Variants in ZNF438 observed in about 807,000 individuals in gnomAD.
The protein encoded by ZNF438 is zinc finger protein 438.
ZNF438 carries 25 observed loss-of-function variants against 38.0 expected under a neutral mutation model. That is an observed-to-expected ratio of 0.66 (90% CI 0.48 to 0.92). The LOEUF (loss-of-function observed/expected upper bound fraction) is 0.92. Ranked by LOEUF, ZNF438 falls within the 40% of genes least tolerant of loss-of-function variation. ZNF438 has a pLI of 0.00. For synonymous variants in ZNF438, 372 were observed against 364.1 expected (o/e 1.02, Z -0.25); for missense variants, 1,007 against 999.6 (o/e 1.01, Z -0.10).
intron 2 of ZNF438, among the ~76,000 whole-genome samples, chr10:30,938,985 G>A (rs1041882084): frequency 2.6e-5 from 4 of 151,822 alleles, no homozygotes; most frequent in East Asian, 1.9e-4. Context: ...TAGTAGAGAC[G>A]GGGTTTCACC....
chr10:30,996,635 C>G (rs1278247737), intron 1 of ZNF438, among the ~76,000 whole-genome samples: 1 of 151,680 alleles, frequency 6.6e-6, no homozygotes, highest in Non-Finnish European at 1.5e-5. Context: ...TCTTTCAATA[C>G]TAGATAAAAC....
At chr10:31,021,436 A>G (rs938350550) in intron 1 of ZNF438, among the ~76,000 whole-genome samples, 2 of 152,228 alleles carry the variant, frequency 1.3e-5, no homozygotes, top group African/African-American at 4.8e-5. Context: ...TTCTAAATAA[A>G]TGTTAAACAA....
At chr10:30,850,264 C>T (rs182775536) in exon 5 of ZNF438, 27 of 1,614,124 alleles carry the variant, frequency 1.7e-5, no homozygotes, top group Middle Eastern at 1.6e-4. Context: ...GCATTCTGGA[C>T]GTTAGGACTT....
At chr10:30,901,811 G>C (rs1415579076) in intron 3 of ZNF438, among the ~76,000 whole-genome samples, 3 of 152,170 alleles carry the variant, frequency 2.0e-5, no homozygotes, top group African/African-American at 7.2e-5. Context: ...GTTCTTAAAG[G>C]CGGTGTGTCT....
At chr10:30,891,135 C>A (rs73249032) in intron 3 of ZNF438, among the ~76,000 whole-genome samples, 1 of 152,072 alleles carries the variant, frequency 6.6e-6, no homozygotes, top group African/African-American at 2.4e-5. Context: ...TTTGGTGGGG[C>A]CTCTTAATCA....
At position 30,873,958 on chromosome 10, in the gene ZNF438, A is replaced by G. The variant is rs142563767; in HGVS notation, c.37+3040T>C. On this transcript the variant is annotated intron_variant, in intron 4 of 5. Transcript: ENST00000413025. ...GAAATTCAAAGGTATCATAATTTAT[A>G]GCTAGCCATCAATGGTTTGTTAAAT... Among the ~76,000 whole-genome samples the G allele has an allele frequency of 5.3e-4, 80 of 152,120 alleles. 1 individual carries two copies. The highest frequency in any genetic ancestry group is 1.8e-3 in the African/African-American group (73 of 41,466).
intron 2 of ZNF438, among the ~76,000 whole-genome samples, chr10:30,938,871 T>C (rs577486618): frequency 8.5e-5 from 13 of 152,272 alleles, no homozygotes; most frequent in African/African-American, 3.1e-4. Flanking sequence ...CTTGGCTCAG[T>C]GCAACCTCTG....
chr10:30,858,716 C>T (rs567594394), intron 4 of ZNF438, among the ~76,000 whole-genome samples: 3 of 152,322 alleles, frequency 2.0e-5, no homozygotes, highest in African/African-American at 7.2e-5. Flanking sequence ...GAAACAAGCA[C>T]ATTCCTAACT....
chr10:30,917,113 CA>C (rs1242627693), intron 2 of ZNF438, among the ~76,000 whole-genome samples: 4 of 152,030 alleles, frequency 2.6e-5, no homozygotes, highest in African/African-American at 9.7e-5. Context: ...TTTGTTCCTT[CA>C]AAATCCTTCC....
intron 3 of ZNF438, among the ~76,000 whole-genome samples, chr10:30,896,238 G>A (rs1466274643): frequency 3.4e-5 from 5 of 148,706 alleles, no homozygotes; most frequent in African/African-American, 1.0e-4. Flanking sequence ...AGAGCTTGCA[G>A]TGAGCCGAGA....
At chr10:31,010,445 G>C (rs2055564523) in intron 1 of ZNF438, among the ~76,000 whole-genome samples, 1 of 152,154 alleles carries the variant, frequency 6.6e-6, no homozygotes. Flanking sequence ...GAAGACTAAA[G>C]ACATAACCCT....
At chr10:30,996,389 A>G (rs2054051617) in intron 1 of ZNF438, among the ~76,000 whole-genome samples, 1 of 152,150 alleles carries the variant, frequency 6.6e-6, no homozygotes, top group Non-Finnish European at 1.5e-5. Flanking sequence ...TCAATCATAC[A>G]AATAGGTTGA....
rs531997316 is a variant in ZNF438 at position 31,022,440 on chromosome 10, T to C, written c.-192+9393A>G. On this transcript the variant is annotated intron_variant, in intron 1 of 5. Coordinates refer to ENST00000413025, the Ensembl canonical transcript of ZNF438. ...CCATGCCTGGCCAATTTTGTATTTT[T>C]AGTAGAGACAGGGTTTCGCAATGTT... Among the ~76,000 whole-genome samples the C allele has an allele frequency of 3.3e-5, 5 of 152,208 alleles. No individual in the cohort carries two copies. The East Asian group carries it at 7.7e-4, about 24-fold the overall frequency.
chr10:30,855,794 C>A (rs761363518), intron 4 of ZNF438, among the ~76,000 whole-genome samples: 16 of 152,146 alleles, frequency 1.1e-4, no homozygotes, highest in Non-Finnish European at 1.3e-4. Flanking sequence ...CTTGGATTAA[C>A]AAAAATGAGA....
At chr10:30,966,329 CAAAAAAAAG>C (rs1053535838) in intron 1 of ZNF438, among the ~76,000 whole-genome samples, 28 of 150,112 alleles carry the variant, frequency 1.9e-4, no homozygotes, top group African/African-American at 5.6e-4. Context: ...GCTCCTGTTT[CAAAAAAAAG>C]AAAAAAATGA....
chr10:30,893,123 A>G (rs561096561), intron 3 of ZNF438, among the ~76,000 whole-genome samples: 4 of 152,356 alleles, frequency 2.6e-5, no homozygotes, highest in Admixed American at 2.0e-4. Flanking sequence ...TTTATCTAAC[A>G]ACGCATGAAA....
At chr10:31,012,584 T>C (rs968496045) in intron 1 of ZNF438, among the ~76,000 whole-genome samples, 15 of 152,326 alleles carry the variant, frequency 9.8e-5, no homozygotes, top group African/African-American at 3.1e-4. Flanking sequence ...TAGGGGGCCA[T>C]AGCACCTAGA....
intron 1 of ZNF438, among the ~76,000 whole-genome samples, chr10:30,954,073 G>A (rs2048579139): frequency 6.6e-6 from 1 of 152,112 alleles, no homozygotes; most frequent in Non-Finnish European, 1.5e-5. Flanking sequence ...AACCCGGGAT[G>A]TGGAGGTTGC....
chr10:30,973,208 C>T (rs2050943240), intron 1 of ZNF438, among the ~76,000 whole-genome samples: 1 of 152,218 alleles, frequency 6.6e-6, no homozygotes, highest in Non-Finnish European at 1.5e-5. Context: ...CAATCCCACA[C>T]ATTCTATTAT....
Sources: gnomAD v4.1 joint callset for allele counts (sites outside exome capture counted in the v4.1 genomes callset) on GRCh38, gnomAD v4.1.1 for gene constraint, MANE v1.5 for transcripts, NCBI Gene and HGNC (gene_info 2026-07-23, HGNC 2026-07-21) for gene names.